The following ABI2 variants were observed in gnomAD, a reference collection of about 807,000 sequenced individuals.
ABI2 encodes the protein abl interactor 2.
ABI2 carries 25 observed loss-of-function variants against 59.2 expected under a neutral mutation model. The observed-to-expected ratio is 0.42, with a 90% CI of 0.31 to 0.59. The LOEUF is 0.59. Among genes scored for constraint, ABI2 ranks in the 20% least tolerant of loss-of-function variants. The pLI is 0.14. For synonymous variants in ABI2, 213 were observed against 235.5 expected (o/e 0.90, Z 0.87); for missense variants, 545 against 681.8 (o/e 0.80, Z 2.23).
At chr2:203,345,595 G>GAT (rs1245875874) in intron 1 of ABI2, among the ~76,000 whole-genome samples, 2 of 152,050 alleles carry the variant, frequency 1.3e-5, no homozygotes, top group Non-Finnish European at 2.9e-5. Context: ...TTTTAGTAGA[G>GAT]ATGGGGTTTC....
At chr2:203,372,320 G>A (rs2153075229) in intron 2 of ABI2, among the ~76,000 whole-genome samples, 1 of 152,332 alleles carries the variant, frequency 6.6e-6, no homozygotes, top group South Asian at 2.1e-4. Context: ...AGTCTCCCAT[G>A]TCTACTTCTT....
chr2:203,340,253 A>C (rs2079072488), intron 1 of ABI2, among the ~76,000 whole-genome samples: 1 of 152,184 alleles, frequency 6.6e-6, no homozygotes, highest in Non-Finnish European at 1.5e-5. Context: ...AAATGGGGAG[A>C]TGTTAGTCAC....
At chr2:203,378,954 A>G (rs2095907056) in intron 2 of ABI2, among the ~76,000 whole-genome samples, 1 of 152,190 alleles carries the variant, frequency 6.6e-6, no homozygotes, top group Admixed American at 6.5e-5. Context: ...CTATGTGTAC[A>G]TGCAGTCTGA....
intron 2 of ABI2, among the ~76,000 whole-genome samples, chr2:203,367,809 C>G (rs2094604921): frequency 6.6e-6 from 1 of 151,724 alleles, no homozygotes; most frequent in South Asian, 2.1e-4. Context: ...TCCAGACCAG[C>G]CTGGGCAGCA....
chr2:203,413,771 TG>T (rs2097774185), intron 10 of ABI2, among the ~76,000 whole-genome samples: 1 of 152,350 alleles, frequency 6.6e-6, no homozygotes, highest in East Asian at 1.9e-4. Context: ...GATAATTCTT[TG>T]GAATTATCTT....
At chr2:203,379,847 G>A (rs1251412442) in intron 2 of ABI2, among the ~76,000 whole-genome samples, 1 of 152,148 alleles carries the variant, frequency 6.6e-6, no homozygotes, top group Non-Finnish European at 1.5e-5. Context: ...CAAGTGAGCG[G>A]CATGGCTGTA....
chr2:203,415,585 C>G (rs574782185), intron 10 of ABI2, among the ~76,000 whole-genome samples: 1 of 145,054 alleles, frequency 6.9e-6, no homozygotes, highest in South Asian at 2.2e-4. Context: ...CCACTGCACT[C>G]CAGCCTGGGC....
intron 3 of ABI2, 93 bp from the exon 4 acceptor site, chr2:203,382,095 CT>C (rs1256742314): frequency 4.5e-6 from 5 of 1,100,330 alleles, no homozygotes; most frequent in Non-Finnish European, 3.8e-6. Flanking sequence ...CTTGTTTTTT[CT>C]TTTTTTCCTT....
intron 1 of ABI2, among the ~76,000 whole-genome samples, chr2:203,337,995 A>C: frequency 6.6e-6 from 1 of 152,210 alleles, no homozygotes; most frequent in East Asian, 1.9e-4. Flanking sequence ...ATGCCACTGC[A>C]CTCCATCCTG....
intron 4 of ABI2, among the ~76,000 whole-genome samples, chr2:203,385,265 G>A (rs191040228): frequency 6.6e-6 from 1 of 150,948 alleles, no homozygotes. Context: ...CTGAGTAGCT[G>A]GGACTACAGG....
intron 2 of ABI2, 26 bp from the exon 3 acceptor site, chr2:203,380,182 G>T (rs1415026876): frequency 1.4e-6 from 2 of 1,445,854 alleles, no homozygotes; most frequent in Non-Finnish European, 1.9e-6. Flanking sequence ...ACATTTTTGT[G>T]TTGTTTTTTA....
chr2:203,423,438 T>A (rs565533620), intron 11 of ABI2, among the ~76,000 whole-genome samples: 2 of 152,302 alleles, frequency 1.3e-5, no homozygotes, highest in African/African-American at 4.8e-5. Flanking sequence ...GGGTCCTTTT[T>A]TTTCTGAGAC....
intron 1 of ABI2, among the ~76,000 whole-genome samples, chr2:203,338,250 C>G (rs929855233): frequency 6.6e-6 from 1 of 152,192 alleles, no homozygotes; most frequent in Non-Finnish European, 1.5e-5. Context: ...ATCACACATA[C>G]AAATTAGCTA....
intron 1 of ABI2, among the ~76,000 whole-genome samples, chr2:203,345,080 A>C (rs2082416655): frequency 6.6e-6 from 1 of 152,138 alleles, no homozygotes; most frequent in Non-Finnish European, 1.5e-5. Context: ...ATGCTGTGGA[A>C]GCTTTCTTCT....
At chr2:203,367,130 T>C (rs2094522919) in intron 2 of ABI2, 86 bp downstream of exon 2, 2 of 1,420,600 alleles carry the variant, frequency 1.4e-6, no homozygotes, top group South Asian at 3.6e-5. Context: ...GCTTTTATTA[T>C]GTAAGTTAAC....
intron 8 of ABI2, among the ~76,000 whole-genome samples, chr2:203,397,413 A>G (rs2097048859): frequency 6.6e-6 from 1 of 152,246 alleles, no homozygotes; most frequent in Non-Finnish European, 1.5e-5. Context: ...GTTGCTTATT[A>G]TAGCAGCATT....
chr2:203,334,561 C>T (rs1451334288), intron 1 of ABI2, among the ~76,000 whole-genome samples: 6 of 152,108 alleles, frequency 3.9e-5, no homozygotes, highest in Non-Finnish European at 8.8e-5. Context: ...ACCCTACTCA[C>T]TGTCCAGAGA....
chr2:203,355,610 A>G (rs1318753028), intron 1 of ABI2, among the ~76,000 whole-genome samples: 1 of 151,840 alleles, frequency 6.6e-6, no homozygotes, highest in Non-Finnish European at 1.5e-5. Context: ...TGGGCGGATC[A>G]CCTGAGGTCT....
chr2:203,402,618 G>T lies in ABI2; in HGVS notation c.1076G>T (p.Arg359Leu). Residue 359 changes from arginine (R) to leucine (L), a missense_variant, in exon 9 of 12, where the codon CGC becomes CTC. Around this residue, in one of 4 missense-constraint regions of ABI2, gnomAD observed 410 missense variants for 435.6 expected, o/e 0.94. Coordinates refer to ENST00000261018, the MANE Select transcript of ABI2 (RefSeq NM_001375670.1). ...TACAGCATGAATAGGCCTGCCTCTC[G>T]CCATACTCCCCCAACAATAGGGGGC... ...QFYSMNRPAS[R>L]HTPPTIGGSL... is the part of the protein sequence containing the mutation. 1 of 1,600,134 alleles carries T rather than the reference G, an allele frequency of 6.2e-7. No homozygotes were observed.
Sources: gnomAD v4.1 joint callset for allele counts (sites outside exome capture counted in the v4.1 genomes callset) on GRCh38, gnomAD v4.1.1 for gene constraint, gnomAD v4.1.1 regional missense constraint, MANE v1.5 for transcripts, NCBI Gene and HGNC (gene_info 2026-07-23, HGNC 2026-07-21) for gene names.